The following UBOX5 variants were observed in gnomAD, a reference collection of about 807,000 sequenced individuals.
UBOX5 encodes U-box domain containing 5.
UBOX5 carries 28 observed loss-of-function variants against 39.0 expected under a neutral mutation model. That is an observed-to-expected ratio of 0.72 (90% CI 0.53 to 0.98). The LOEUF (loss-of-function observed/expected upper bound fraction) is 0.98, where lower values mean the gene tolerates loss of function less well. Ranked by LOEUF, UBOX5 falls within the 50% of genes least tolerant of loss-of-function variation. The pLI, the probability that UBOX5 is intolerant of heterozygous loss-of-function variation, is 0.00. For missense variants in UBOX5, 585 were observed against 674.4 expected, an observed-to-expected ratio of 0.87 and a Z score of 1.47; for synonymous variants, 283 against 275.5, an observed-to-expected ratio of 1.03 and a Z score of -0.27.
intron 1 of UBOX5, among the ~76,000 whole-genome samples, chr20:3,130,417 T>C (rs8184489): frequency 6.6e-6 from 1 of 150,782 alleles, no homozygotes; most frequent in East Asian, 1.9e-4. Flanking sequence ...GCCATTACAG[T>C]GCACCACAGC....
At chr20:3,148,267 A>G (rs371948260) in intron 1 of UBOX5, 11 of 1,611,584 alleles carry the variant, frequency 6.8e-6, no homozygotes, top group Non-Finnish European at 9.3e-6. Context: ...GCAAATTAAG[A>G]TAACTAGAAA....
At chr20:3,121,346 T>G (rs1435819767) in intron 3 of UBOX5, 38 bp downstream of exon 3, 7 of 1,571,320 alleles carry the variant, frequency 4.5e-6, no homozygotes, top group Non-Finnish European at 6.0e-6. Context: ...GGGAAGGAGA[T>G]GGATGAGCCT....
chr20:3,148,003 T>C, intron 1 of UBOX5: 1 of 1,614,168 alleles, frequency 6.2e-7, no homozygotes, highest in Non-Finnish European at 8.5e-7. Flanking sequence ...CAATATTCAC[T>C]AAGGAGCGAC....
intron 1 of UBOX5, among the ~76,000 whole-genome samples, chr20:3,139,119 TA>T (rs1321532700): frequency 6.6e-6 from 1 of 152,244 alleles, no homozygotes; most frequent in African/African-American, 2.4e-5. Context: ...CTACTTCTTA[TA>T]ATTTCTAAAT....
intron 1 of UBOX5, among the ~76,000 whole-genome samples, chr20:3,158,731 C>T (rs922941740): frequency 6.6e-6 from 1 of 152,206 alleles, no homozygotes; most frequent in African/African-American, 2.4e-5. Context: ...GCCTTGACCT[C>T]CCAAAGTGCT....
chr20:3,137,482 T>C (rs2066481496), intron 1 of UBOX5, among the ~76,000 whole-genome samples: 1 of 152,104 alleles, frequency 6.6e-6, no homozygotes, highest in African/African-American at 2.4e-5. Flanking sequence ...TTGGCCAGGC[T>C]GGTCTTGAAC....
chr20:3,153,974 T>A (rs530826051), intron 1 of UBOX5, among the ~76,000 whole-genome samples: 15 of 152,164 alleles, frequency 9.9e-5, no homozygotes, highest in Admixed American at 2.0e-4. Flanking sequence ...AGGTTTGGAA[T>A]GCTCAACCTG....
intron 1 of UBOX5, among the ~76,000 whole-genome samples, chr20:3,132,994 ATGAT>A (rs997686208): frequency 2.0e-5 from 3 of 151,886 alleles, no homozygotes; most frequent in African/African-American, 4.8e-5. Flanking sequence ...ATAATAAAGA[ATGAT>A]TGGGGGAAAA....
At chr20:3,126,218 G>C (rs306756) in intron 1 of UBOX5, among the ~76,000 whole-genome samples, 58,099 of 151,868 alleles carry the variant, frequency 0.38, 12,888 homozygotes, top group East Asian at 0.55. Context: ...CCCCAACCCC[G>C]TGCTCTCTGA....
In UBOX5 at chr20:3,156,235, G is replaced by A. The variant is rs142128690; in HGVS notation, c.-42+3531C>T. ...CTGTTGCCCAGGCTGGAGTGCAGTG[G>A]CGTGATCTCAGCTCACTGCAACCTC... On this transcript the variant is annotated intron_variant, in intron 1 of 4. Transcript: ENST00000217173. 6.3e-3 allele frequency among the ~76,000 whole-genome samples: 954 copies of A among 150,542 alleles called. 4 individuals are homozygous for A. Among genetic ancestry groups the A allele is most frequent in the Middle Eastern group, 0.027 (8 of 292 alleles).
At chr20:3,135,014 G>C (rs1041963952) in intron 1 of UBOX5, among the ~76,000 whole-genome samples, 1 of 152,094 alleles carries the variant, frequency 6.6e-6, no homozygotes, top group African/African-American at 2.4e-5. Context: ...AATTAGAAGA[G>C]AATACAAAAT....
intron 1 of UBOX5, chr20:3,148,376 C>T: frequency 6.2e-7 from 1 of 1,614,186 alleles, no homozygotes; most frequent in Non-Finnish European, 8.5e-7. Flanking sequence ...CTGATGGCAA[C>T]ACTTGGTCTC....
In UBOX5 at chr20:3,149,251, G is replaced by A. The variant is rs1221250331; in HGVS notation, c.-42+10515C>T. ...ATCACAAATGACTGGGTCAGAATTG[G>A]TGCCAGATACTGAAAAAAGGGTAGA... On this transcript the variant is annotated intron_variant, in intron 1 of 4. Coordinates refer to ENST00000217173, the MANE Select transcript of UBOX5 (RefSeq NM_014948.4). The surrounding 1 kb of genome is among the most constrained non-coding windows in gnomAD (Gnocchi z 4.1). 1.6e-6 allele frequency: 1 copy of A among 612,348 alleles called. No individual in the cohort carries two copies. Among genetic ancestry groups the A allele is most frequent in the Non-Finnish European group, 2.8e-6 (1 of 356,660 alleles). The allele number at this position is 612,348 out of a possible 1,614,324, so 37.9% of individuals were successfully genotyped here.
chr20:3,141,991 C>A (rs184715908), intron 1 of UBOX5, among the ~76,000 whole-genome samples: 391 of 151,660 alleles, frequency 2.6e-3, no homozygotes, highest in African/African-American at 9.0e-3. Context: ...CCAGCCTGGG[C>A]AACAGAGTGA....
intron 1 of UBOX5, among the ~76,000 whole-genome samples, chr20:3,152,662 C>T (rs962851827): frequency 5.9e-5 from 9 of 152,150 alleles, no homozygotes; most frequent in Admixed American, 2.6e-4. Flanking sequence ...AATCCCAGCA[C>T]TTCAGGAGGC....
At chr20:3,112,003 A>C (rs1203525830) in intron 4 of UBOX5, among the ~76,000 whole-genome samples, 1 of 152,188 alleles carries the variant, frequency 6.6e-6, no homozygotes, top group East Asian at 1.9e-4. Context: ...GCCAGGAAAG[A>C]GTGGCCTGGC....
At chr20:3,157,350 C>A (rs1427911220) in intron 1 of UBOX5, among the ~76,000 whole-genome samples, 1 of 152,220 alleles carries the variant, frequency 6.6e-6, no homozygotes, top group Non-Finnish European at 1.5e-5. Context: ...AGTTCAGTGT[C>A]ACTCGCAGGT....
At chr20:3,141,714 T>C (rs1268288147) in intron 1 of UBOX5, among the ~76,000 whole-genome samples, 1 of 151,772 alleles carries the variant, frequency 6.6e-6, no homozygotes, top group African/African-American at 2.4e-5. Flanking sequence ...AAAAACCCCA[T>C]AGTTAACATC....
At chr20:3,117,797 G>A (rs2148590654) in intron 3 of UBOX5, among the ~76,000 whole-genome samples, 1 of 152,188 alleles carries the variant, frequency 6.6e-6, no homozygotes, top group Admixed American at 6.5e-5. Context: ...TTCAAGACCA[G>A]CCTGGCCAAC....
Sources: gnomAD v4.1 joint callset for allele counts (sites outside exome capture counted in the v4.1 genomes callset) on GRCh38, gnomAD v4.1.1 for gene constraint, Gnocchi (gnomAD v3.1) non-coding constraint, MANE v1.5 for transcripts, NCBI Gene and HGNC (gene_info 2026-07-23, HGNC 2026-07-21) for gene names.